The following RGS10 variants were observed in gnomAD, a reference collection of about 807,000 sequenced individuals.
RGS10 encodes regulator of G-protein signalling 10.
Under a neutral mutation model 23.5 loss-of-function variants are expected in RGS10, and 11 were observed. That is an observed-to-expected ratio of 0.47 (90% CI 0.29 to 0.77). RGS10 has a LOEUF of 0.77. Among genes scored for constraint, RGS10 ranks in the 30% least tolerant of loss-of-function variants. RGS10 has a pLI of 0.08. For synonymous variants in RGS10, 77 were observed against 83.2 expected (o/e 0.92, Z 0.41); for missense variants, 180 against 226.3 (o/e 0.80, Z 1.31).
rs1176441171 is a variant in RGS10 at position 119,533,327 on chromosome 10, G to A, written c.50-5903C>T. Among the ~76,000 whole-genome samples the A allele has an allele frequency of 6.6e-5, 10 of 151,756 alleles. 1 individual carries two copies. The highest frequency in any genetic ancestry group is 4.2e-4 in the South Asian group (2 of 4,810). On this transcript the variant is annotated intron_variant, in intron 1 of 4. Transcript: ENST00000369103. ...AGCCTGGGTGACAGAGAGAGACTCC[G>A]TCTTAGGGAAAAAAGTTTAAAAAAA...
rs112041377 is a variant in RGS10, at chr10:119,510,943, C to A, written c.399+4566G>T. Among the ~76,000 whole-genome samples, 875 of 152,280 alleles carry A rather than the reference C, an allele frequency of 5.7e-3. 5 individuals carry two copies. Among genetic ancestry groups the A allele is most frequent in the African/African-American group, 0.019 (810 of 41,562 alleles). ...CCGTGTTAGCTAGGATGGTCTCGAT[C>A]TCCTGACCTTGTGATCTGCCCGCCT... On this transcript the variant is annotated intron_variant, in intron 4 of 4. Transcript: ENST00000369103.
At chr10:119,522,465 T>C (rs1479837274) in intron 3 of RGS10, among the ~76,000 whole-genome samples, 1 of 152,158 alleles carries the variant, frequency 6.6e-6, no homozygotes, top group African/African-American at 2.4e-5. Flanking sequence ...ACGTCTGTAG[T>C]CCCAGCACTT....
rs756975745 is a variant in RGS10, at chr10:119,515,562, C to T, written c.346G>A (p.Glu116Lys). Residue 116 changes from glutamate (E) to lysine (K), a missense_variant, in exon 4 of 5, where the codon GAG becomes AAG. By Grantham distance (56) the Glu-to-Lys change is moderately conservative (BLOSUM62 1). Coordinates refer to ENST00000369103, the MANE Select transcript of RGS10 (RefSeq NM_001005339.2). ...GGGTGCGGTTCTTCCAGGATCTTCT[C>T]GTTGAGCCGAGACTGCCCCTCCACG... is the stretch of plus-strand genomic sequence containing the variant. Reference protein sequence around the residue: ...VNVEGQSRLNEKILEEPHPLM... With the variant: ...VNVEGQSRLNKKILEEPHPLM... 23 of 1,614,208 alleles carry T rather than the reference C, an allele frequency of 1.4e-5. 1 individual carries two copies. The South Asian group carries it at 1.5e-4, about 11-fold the overall frequency.
intron 4 of RGS10, among the ~76,000 whole-genome samples, chr10:119,514,127 G>A (rs1376815311): frequency 1.3e-5 from 2 of 151,996 alleles, no homozygotes; most frequent in Admixed American, 6.6e-5. Context: ...AGGCCGACGC[G>A]GGCGGATCAG....
chr10:119,532,874 C>CA (rs1222362202), intron 1 of RGS10, among the ~76,000 whole-genome samples: 3 of 149,648 alleles, frequency 2.0e-5, no homozygotes. Context: ...ACAAACAAAC[C>CA]AAAAAAACCA....
rs1844412271 is a variant in RGS10, at chr10:119,538,814, G to A, written c.49+3776C>T. Among the ~76,000 whole-genome samples the A allele has an allele frequency of 6.6e-6, 1 of 152,158 alleles. No homozygotes were observed. Among genetic ancestry groups the A allele is most frequent in the Non-Finnish European group, 1.5e-5 (1 of 68,018 alleles). ...CTGCTGCCACCCGCAGGCTGCTGCAGCAAAGAACTATCTGGGGGAAGCAGA... is the reference window on the plus strand; with the variant it reads ...CTGCTGCCACCCGCAGGCTGCTGCAACAAAGAACTATCTGGGGGAAGCAGA... On this transcript the variant is annotated intron_variant, in intron 1 of 4. Transcript: ENST00000369103. The surrounding 1 kb of genome is among the most constrained non-coding windows in gnomAD (Gnocchi z 4.5).
chr10:119,510,388 G>A (rs1387556513), intron 4 of RGS10, among the ~76,000 whole-genome samples: 9 of 152,054 alleles, frequency 5.9e-5, no homozygotes, highest in Admixed American at 2.6e-4. Flanking sequence ...GGAAGGTCCC[G>A]GCTCCCAGGT....
At chr10:119,534,692 C>T (rs1450453770) in intron 1 of RGS10, among the ~76,000 whole-genome samples, 2 of 151,068 alleles carry the variant, frequency 1.3e-5, no homozygotes, top group African/African-American at 4.9e-5. Context: ...AGATCGAAAC[C>T]ATCCTAGCCA....
intron 3 of RGS10, among the ~76,000 whole-genome samples, chr10:119,525,078 T>A (rs60155952): frequency 0.045 from 6,927 of 152,266 alleles, 305 homozygotes; most frequent in East Asian, 0.13. Flanking sequence ...AATTTTTTTT[T>A]AATTAGTTCC....
chr10:119,521,969 C>T (rs1471675209), intron 3 of RGS10, among the ~76,000 whole-genome samples: 2 of 152,208 alleles, frequency 1.3e-5, no homozygotes, highest in African/African-American at 4.8e-5. Context: ...GGGCTCTTCT[C>T]TCATGAGTCA....
At chr10:119,509,668 G>A (rs148520114) in intron 4 of RGS10, among the ~76,000 whole-genome samples, 277 of 152,246 alleles carry the variant, frequency 1.8e-3, no homozygotes, top group African/African-American at 6.3e-3. Context: ...AAATAAGGCT[G>A]TAGTTATCAG....
intron 1 of RGS10, among the ~76,000 whole-genome samples, chr10:119,540,014 C>G (rs1315264343): frequency 6.6e-6 from 1 of 151,858 alleles, no homozygotes; most frequent in East Asian, 1.9e-4. Context: ...GCTGTCTTCT[C>G]AGTACCTCGG....
intron 1 of RGS10, among the ~76,000 whole-genome samples, chr10:119,540,562 C>G (rs894076795): frequency 6.6e-6 from 1 of 152,188 alleles, no homozygotes; most frequent in Non-Finnish European, 1.5e-5. Flanking sequence ...TGAGACCGAC[C>G]TTTCTGTCAG....
At chr10:119,511,947 G>T (rs924177457) in intron 4 of RGS10, among the ~76,000 whole-genome samples, 1 of 152,202 alleles carries the variant, frequency 6.6e-6, no homozygotes, top group Non-Finnish European at 1.5e-5. Flanking sequence ...AGAACTGTGT[G>T]CAAACCAAGA....
At chr10:119,507,929 T>A (rs1844033804) in intron 4 of RGS10, among the ~76,000 whole-genome samples, 2 of 152,100 alleles carry the variant, frequency 1.3e-5, no homozygotes, top group African/African-American at 4.8e-5. Context: ...ATCTCTGCTT[T>A]TCCAGGCTAG....
At chr10:119,541,268 A>G (rs1844432819) in intron 1 of RGS10, among the ~76,000 whole-genome samples, 1 of 152,222 alleles carries the variant, frequency 6.6e-6, no homozygotes, top group African/African-American at 2.4e-5. Context: ...TAACACCCAC[A>G]AGGGAATTCT....
intron 1 of RGS10, among the ~76,000 whole-genome samples, chr10:119,529,221 G>C (rs1021318299): frequency 3.3e-5 from 5 of 152,194 alleles, no homozygotes; most frequent in African/African-American, 1.2e-4. Context: ...AGGGGGCTGA[G>C]GCGGGTGGAT....
intron 1 of RGS10, among the ~76,000 whole-genome samples, chr10:119,528,844 T>TAATAAATAAATA (rs59583887): frequency 0.027 from 4,057 of 149,286 alleles, 72 homozygotes; most frequent in Non-Finnish European, 0.034. Flanking sequence ...AAAATAATGA[T>TAATAAATAAATA]AATAAATAAA....
intron 4 of RGS10, among the ~76,000 whole-genome samples, chr10:119,505,598 G>A (rs1331695552): frequency 6.6e-6 from 1 of 152,014 alleles, no homozygotes; most frequent in Non-Finnish European, 1.5e-5. Flanking sequence ...CATTGCCATG[G>A]CTGAGCAGGA....
Sources: allele counts gnomAD v4.1 joint callset (sites outside exome capture counted in the v4.1 genomes callset), GRCh38; gene constraint gnomAD v4.1.1; non-coding constraint Gnocchi (gnomAD v3.1); transcripts MANE v1.5; gene names NCBI Gene and HGNC (gene_info 2026-07-23, HGNC 2026-07-21).